ZNF273: variants seen among roughly 807,000 people sequenced by gnomAD.
ZNF273 encodes zinc finger protein 9.
ZNF273 carries 11 observed loss-of-function variants against 14.9 expected under a neutral mutation model. The ratio of observed to expected loss-of-function variants is 0.74; its 90% CI spans 0.46 to 1.22. The LOEUF (loss-of-function observed/expected upper bound fraction) is 1.22. ZNF273 is among the 50% of genes most tolerant of loss of function. ZNF273 has a pLI of 0.00. For synonymous variants in ZNF273, 199 were observed against 223.9 expected, an observed-to-expected ratio of 0.89 and a Z score of 0.99; for missense variants, 577 against 660.6, an observed-to-expected ratio of 0.87 and a Z score of 1.39.
chr7:64,928,530 C>T lies in ZNF273; in HGVS notation c.1202C>T (p.Pro401Leu), dbSNP rs751608273. The change falls in exon 4 of 4, where the codon CCC (proline) becomes CTC (leucine). Residue 401 changes from proline to leucine, a missense_variant. Physicochemically the swap from Pro to Leu is moderately conservative, Grantham distance 98. Transcript: ENST00000476120. ...RHKIVHTGEKPYKCEECGKAF... is the reference protein window; with the variant it reads ...RHKIVHTGEKLYKCEECGKAF... ...AAGATAGTTCATACTGGAGAGAAAC[C>T]CTACAAATGTGAAGAATGTGGTAAA... 2 of 1,613,840 alleles carry T rather than the reference C, an allele frequency of 1.2e-6. No individual in the cohort carries two copies. The highest frequency in any genetic ancestry group is 2.2e-5 in the East Asian group (1 of 44,822).
At chr7:64,915,047 A>G (rs566932236) in intron 1 of ZNF273, among the ~76,000 whole-genome samples, 1 of 148,740 alleles carries the variant, frequency 6.7e-6, no homozygotes, top group African/African-American at 2.5e-5. Context: ...TTTCTTCCCT[A>G]TTAAGTTTAT....
Position 64,905,034 on chromosome 7 carries a change from C to T in ZNF273, c.102+1615C>T, listed in dbSNP as rs567632047. On this transcript the variant is annotated intron_variant, in intron 1 of 3. Transcript: ENST00000476120. Reference sequence around the variant, plus strand: ...TCCTGGGTCATTTTCTCCCATAGGACAGTCTCAGGTATGGAGTGTAGCTTC... The same window carrying T: ...TCCTGGGTCATTTTCTCCCATAGGATAGTCTCAGGTATGGAGTGTAGCTTC... Among the ~76,000 whole-genome samples, 3 of 151,244 alleles carry T rather than the reference C, an allele frequency of 2.0e-5. No individual in the cohort carries two copies. In the East Asian group the frequency reaches 5.8e-4, roughly 29 times the overall value.
At chr7:64,914,131 C>G (rs2129073506) in intron 1 of ZNF273, among the ~76,000 whole-genome samples, 1 of 150,958 alleles carries the variant, frequency 6.6e-6, no homozygotes, top group East Asian at 2.0e-4. Flanking sequence ...CCTCAGCCTC[C>G]CCAGTAGCTG....
intron 3 of ZNF273, among the ~76,000 whole-genome samples, chr7:64,896,649 T>C (rs1310206409): frequency 2.0e-5 from 3 of 152,150 alleles, no homozygotes; most frequent in Non-Finnish European, 4.4e-5. Context: ...TTATAGCTAC[T>C]ATGTATAAAT....
intron 1 of ZNF273, among the ~76,000 whole-genome samples, chr7:64,913,182 C>CA (rs1361988072): frequency 6.6e-6 from 1 of 152,026 alleles, no homozygotes; most frequent in Non-Finnish European, 1.5e-5. Context: ...TCACAAGTCA[C>CA]AAAAAAGTAA....
intron 3 of ZNF273, among the ~76,000 whole-genome samples, chr7:64,919,753 T>TA (rs1461773944): frequency 6.6e-6 from 1 of 152,212 alleles, no homozygotes; most frequent in Non-Finnish European, 1.5e-5. Flanking sequence ...AACCATAACA[T>TA]ACGCTTGTAT....
chr7:64,911,254 A>G (rs977108740), intron 1 of ZNF273, among the ~76,000 whole-genome samples: 1 of 150,180 alleles, frequency 6.7e-6, no homozygotes, highest in African/African-American at 2.4e-5. Flanking sequence ...TTAAAGACAA[A>G]GCCTACTTGA....
intron 1 of ZNF273, among the ~76,000 whole-genome samples, chr7:64,905,967 A>C (rs1298312320): frequency 6.6e-6 from 1 of 152,318 alleles, no homozygotes; most frequent in Admixed American, 6.5e-5. Context: ...TATATAGTCC[A>C]TTTGTTAAAA....
At chr7:64,908,909 T>C (rs1242700488) in intron 1 of ZNF273, among the ~76,000 whole-genome samples, 4 of 152,202 alleles carry the variant, frequency 2.6e-5, no homozygotes, top group African/African-American at 9.6e-5. Flanking sequence ...TTTGTTTTTA[T>C]TAAATATTTT....
At position 64,905,608 on chromosome 7, in the gene ZNF273, CA is replaced by C. The variant is rs538741982; in HGVS notation, c.102+2196del. 1.8e-3 allele frequency among the ~76,000 whole-genome samples: 275 copies of C among 151,722 alleles called. 1 individual carries two copies. The highest frequency in any genetic ancestry group is 3.4e-3 in the Middle Eastern group (1 of 294). On this transcript the variant is annotated intron_variant, in intron 1 of 3. Transcript: ENST00000476120. ...ATTTGTGAAAGAAAAAATAGTGTACCAAAAAAACTAAAAAAAACTTACTCCA... is the reference window on the plus strand; with the variant it reads ...ATTTGTGAAAGAAAAAATAGTGTACCAAAAAACTAAAAAAAACTTACTCCA...
At chr7:64,884,674 T>A (rs1489193875), downstream of ZNF273, among the ~76,000 whole-genome samples, 1 of 152,142 alleles carries the variant, frequency 6.6e-6, no homozygotes, top group East Asian at 1.9e-4. Context: ...TATGATTCCA[T>A]CACCCGGAGA....
chr7:64,932,224 TAAA>T (rs34367766), downstream of ZNF273, among the ~76,000 whole-genome samples: 1 of 146,770 alleles, frequency 6.8e-6, no homozygotes, highest in Non-Finnish European at 1.5e-5. Context: ...TAACTGTTTG[TAAA>T]AAAAAAAAAA....
chr7:64,919,086 A>G (rs774710514), intron 3 of ZNF273, among the ~76,000 whole-genome samples: 3 of 152,162 alleles, frequency 2.0e-5, no homozygotes, highest in Non-Finnish European at 2.9e-5. Flanking sequence ...TATAGTTTGA[A>G]ATTTTAAAGT....
chr7:64,917,613 A>T lies in ZNF273; in HGVS notation c.135A>T (p.Glu45Asp). 3 of 1,599,818 alleles carry T rather than the reference A, an allele frequency of 1.9e-6. No homozygotes were observed. The highest frequency in any genetic ancestry group is 2.6e-6 in the Non-Finnish European group (3 of 1,171,134). Reference protein sequence around the residue: ...GPLTFRDVAIEFSLEEWQCLD... With the variant: ...GPLTFRDVAIDFSLEEWQCLD... ...TGACATTTAGGGATGTGGCCATAGA[A>T]TTCTCTCTGGAGGAGTGGCAATGCC... Residue 45 changes from glutamate (E) to aspartate (D), a missense_variant, in exon 2 of 4, where the codon GAA becomes GAT. Glu to Asp is a conservative substitution (Grantham distance 45). This residue lies in a region of ZNF273 where 162 missense variants were observed against 203.5 expected (regional missense o/e 0.80). Coordinates refer to ENST00000476120, the MANE Select transcript of ZNF273 (RefSeq NM_021148.3).
At chr7:64,932,097 G>A (rs1424118372), downstream of ZNF273, among the ~76,000 whole-genome samples, 1 of 151,700 alleles carries the variant, frequency 6.6e-6, no homozygotes, top group Non-Finnish European at 1.5e-5. Context: ...TATTTTTAGT[G>A]CACTGAAAAA....
At chr7:64,886,752 G>A (rs1391430485) in intron 1 of ZNF273, among the ~76,000 whole-genome samples, 2 of 152,188 alleles carry the variant, frequency 1.3e-5, no homozygotes, top group East Asian at 3.9e-4. Context: ...TCACACCTGG[G>A]CACACCTGCA....
intron 3 of ZNF273, among the ~76,000 whole-genome samples, chr7:64,922,377 G>A (rs1794533088): frequency 6.6e-6 from 1 of 151,490 alleles, no homozygotes; most frequent in Non-Finnish European, 1.5e-5. Context: ...CACCCAGACT[G>A]GAGTGCAGTG....
At chr7:64,932,879 A>C (rs896010497), downstream of ZNF273, among the ~76,000 whole-genome samples, 3 of 152,194 alleles carry the variant, frequency 2.0e-5, no homozygotes, top group Non-Finnish European at 4.4e-5. Context: ...ATCTATTTTT[A>C]AGTGTGACTG....
downstream of ZNF273, among the ~76,000 whole-genome samples, chr7:64,894,689 G>T (rs988626472): frequency 5.5e-5 from 7 of 127,586 alleles, no homozygotes; most frequent in Non-Finnish European, 1.1e-4. Context: ...ATAAATACTG[G>T]TACTCAAATA....
Sources: gnomAD v4.1 joint callset for allele counts (sites outside exome capture counted in the v4.1 genomes callset) on GRCh38, gnomAD v4.1.1 for gene constraint, gnomAD v4.1.1 regional missense constraint, MANE v1.5 for transcripts, NCBI Gene and HGNC (gene_info 2026-07-23, HGNC 2026-07-21) for gene names.